The following SLCO2A1 variants were observed in gnomAD, a reference collection of about 807,000 sequenced individuals.
SLCO2A1 encodes matrin F/G 1.
A neutral mutation model predicts 71.7 loss-of-function variants in SLCO2A1; 60 were observed. That is an observed-to-expected ratio of 0.84 (90% CI 0.68 to 1.04). The LOEUF is 1.04. Among genes scored for constraint, SLCO2A1 ranks in the 50% least tolerant of loss-of-function variants. The probability of loss-of-function intolerance (pLI) is 0.00; values close to 1 mark genes in which losing one functional copy is unlikely to be tolerated. For missense variants in SLCO2A1, 745 were observed against 813.4 expected, an observed-to-expected ratio of 0.92 and a Z score of 1.02; for synonymous variants, 308 against 326.7, an observed-to-expected ratio of 0.94 and a Z score of 0.62.
intron 1 of SLCO2A1, among the ~76,000 whole-genome samples, chr3:134,027,927 G>A (rs1935731928): frequency 6.6e-6 from 1 of 152,208 alleles, no homozygotes; most frequent in African/African-American, 2.4e-5. Context: ...CAAAGGAGGT[G>A]ATGACTAACA....
intron 1 of SLCO2A1, among the ~76,000 whole-genome samples, chr3:133,992,083 A>G (rs1424167509): frequency 6.6e-6 from 1 of 152,200 alleles, no homozygotes; most frequent in African/African-American, 2.4e-5. Context: ...GGACTTGCCC[A>G]GGATCTCTTG....
chr3:133,955,267 T>C, intron 3 of SLCO2A1, 74 bp from the exon 4 acceptor site: 1 of 1,355,398 alleles, frequency 7.4e-7, no homozygotes, highest in South Asian at 1.4e-5. Context: ...AAACCCGGCC[T>C]TTCTCCCAGG....
At chr3:134,015,889 C>T (rs1166470703) in intron 1 of SLCO2A1, among the ~76,000 whole-genome samples, 1 of 152,092 alleles carries the variant, frequency 6.6e-6, no homozygotes, top group African/African-American at 2.4e-5. Context: ...GCCAACTGAT[C>T]TTTGACAAAG....
chr3:133,957,647 G>A (rs981044656), intron 3 of SLCO2A1, among the ~76,000 whole-genome samples: 1 of 152,170 alleles, frequency 6.6e-6, no homozygotes, highest in Admixed American at 6.5e-5. Context: ...CTCTGTAGGT[G>A]GCTGGGACCT....
At chr3:134,019,579 C>A (rs1290450707) in intron 1 of SLCO2A1, among the ~76,000 whole-genome samples, 1 of 152,108 alleles carries the variant, frequency 6.6e-6, no homozygotes, top group Non-Finnish European at 1.5e-5. Flanking sequence ...TTTCCTATGC[C>A]TCATTCCACA....
At chr3:133,975,716 T>C (rs1002173299) in intron 2 of SLCO2A1, among the ~76,000 whole-genome samples, 1 of 152,080 alleles carries the variant, frequency 6.6e-6, no homozygotes, top group East Asian at 1.9e-4. Context: ...ACAAAGGCAT[T>C]CCCCCAGCCC....
intron 1 of SLCO2A1, among the ~76,000 whole-genome samples, chr3:134,014,198 C>A (rs963017400): frequency 4.6e-5 from 7 of 152,100 alleles, no homozygotes; most frequent in African/African-American, 1.4e-4. Context: ...AGGGGTCTGC[C>A]CTGTTCGGGG....
At chr3:133,944,279 G>T (rs1210149997) in intron 10 of SLCO2A1, among the ~76,000 whole-genome samples, 1 of 152,000 alleles carries the variant, frequency 6.6e-6, no homozygotes, top group Non-Finnish European at 1.5e-5. Flanking sequence ...GAATTATCCT[G>T]TGTGTTGATT....
In SLCO2A1 at chr3:133,947,408, C is replaced by G; in HGVS notation, c.1143G>C (p.Leu381=). The stretch of plus-strand genomic sequence containing the variant: ...AGCGCTTCATGAGGATTCCTCCAAA[C>G]AGCATCCCCAAGGCTGCAGCAGGGA... ...VNLPAAALGM[L]FGGILMKRFV... The change falls in exon 9 of 14, where the codon CTG becomes CTC. Residue 381 remains leucine (L), a synonymous_variant. Transcript: ENST00000310926. The G allele has an allele frequency of 6.2e-7, 1 of 1,614,020 alleles. No individual in the cohort carries two copies. The highest frequency in any genetic ancestry group is 1.1e-5 in the South Asian group (1 of 91,034).
At position 133,934,671 on chromosome 3, in the gene SLCO2A1, C is replaced by A; in HGVS notation, c.*42G>T. 3 of 1,379,082 alleles carry A rather than the reference C, an allele frequency of 2.2e-6. No homozygotes were observed. In the South Asian group the frequency reaches 3.5e-5, roughly 16 times the overall value. The allele number at this position is 1,379,082 out of a possible 1,614,324, so 85.4% of individuals were successfully genotyped here. On this transcript the variant is annotated 3_prime_UTR_variant, in exon 14 of 14. Transcript: ENST00000310926. Reference sequence around the variant, plus strand: ...TGAGTATAGGCAGGTGTGGAAGAGTCAAGGTCCACTCTCTGGAGCAGGGCA... The same window carrying A: ...TGAGTATAGGCAGGTGTGGAAGAGTAAAGGTCCACTCTCTGGAGCAGGGCA...
rs1395494182 is a variant in SLCO2A1, at chr3:133,942,631, G to T, written c.1599C>A (p.His533Gln). 3.1e-6 allele frequency: 5 copies of T among 1,613,722 alleles called. No homozygotes were observed. In the Admixed American group the frequency reaches 5.0e-5, roughly 16 times the overall value. Residue 533 changes from histidine to glutamine, a missense_variant, in exon 11 of 14, where the codon CAC becomes CAA. Transcript: ENST00000310926. ...SFVSLIACISHNPLYMMVLRV... is the reference protein window; with the variant it reads ...SFVSLIACISQNPLYMMVLRV... ...GCAGAACCATCATGTAGAGGGGGTT[G>T]TGGGAGATGCAGGCTATCAGGGACA... is the stretch of plus-strand genomic sequence containing the variant.
chr3:133,934,506 G>C lies in SLCO2A1; in HGVS notation c.*207C>G. The C allele has an allele frequency of 2.0e-6, 1 of 488,956 alleles. No individual in the cohort carries two copies. The highest frequency in any genetic ancestry group is 3.7e-6 in the Non-Finnish European group (1 of 270,640). The allele number at this position is 488,956 out of a possible 1,614,324, so 30.3% of individuals were successfully genotyped here. A position where few individuals can be genotyped will look rare whatever the true frequency, so the allele number is the denominator to read the frequency against. ...AGGGAAGACTCAGCCCCCCAGTTCT[G>C]GCCCACACAGCCCGGGTACACAGTG... On this transcript the variant is annotated 3_prime_UTR_variant, in exon 14 of 14. Transcript: ENST00000310926.
intron 3 of SLCO2A1, among the ~76,000 whole-genome samples, chr3:133,961,261 G>A (rs1934027798): frequency 6.6e-6 from 1 of 152,106 alleles, no homozygotes; most frequent in Non-Finnish European, 1.5e-5. Flanking sequence ...GATGGTGAAT[G>A]CATAGCCCAG....
intron 3 of SLCO2A1, among the ~76,000 whole-genome samples, chr3:133,960,834 G>A (rs1459112833): frequency 2.0e-5 from 3 of 152,262 alleles, no homozygotes; most frequent in African/African-American, 7.2e-5. Context: ...TCTGGAGAAG[G>A]TTTCTGGAGA....
At chr3:133,943,492 A>G (rs1933486839) in intron 10 of SLCO2A1, among the ~76,000 whole-genome samples, 1 of 152,200 alleles carries the variant, frequency 6.6e-6, no homozygotes, top group Non-Finnish European at 1.5e-5. Context: ...CGACAGTGGT[A>G]ACTATGCACC....
intron 3 of SLCO2A1, among the ~76,000 whole-genome samples, chr3:133,966,567 C>T (rs1934174975): frequency 6.6e-6 from 1 of 152,250 alleles, no homozygotes; most frequent in Non-Finnish European, 1.5e-5. Flanking sequence ...GTTTGTGGGT[C>T]AGTCCTCTGT....
chr3:133,954,789 C>G (rs1576432566), intron 4 of SLCO2A1, among the ~76,000 whole-genome samples, 177 bp downstream of exon 4: 1 of 152,182 alleles, frequency 6.6e-6, no homozygotes, highest in East Asian at 1.9e-4. Flanking sequence ...GATCACACAG[C>G]TGGGAGGTAA....
intron 1 of SLCO2A1, among the ~76,000 whole-genome samples, chr3:134,020,110 A>G (rs752871573): frequency 1.6e-4 from 24 of 152,188 alleles, no homozygotes; most frequent in Non-Finnish European, 2.6e-4. Context: ...CGATCTAATT[A>G]CCGGTGCATG....
Position 134,029,811 on chromosome 3 carries a change from G to A in SLCO2A1, c.-9C>T, listed in dbSNP as rs748894424. ...TTGGGCAGGAGCCCCATGGCTGCGG[G>A]CGGCTGGCCGGGCGCGGAGTGGCGC... On this transcript the variant is annotated 5_prime_UTR_variant, in exon 1 of 14. Coordinates refer to ENST00000310926, the MANE Select transcript of SLCO2A1 (RefSeq NM_005630.3). The A allele has an allele frequency of 4.9e-6, 7 of 1,424,578 alleles. No homozygotes were observed. In the South Asian group the frequency reaches 1.1e-4, roughly 22 times the overall value. 88.2% of individuals were successfully genotyped at this position (1,424,578 alleles called of 1,614,324 possible).
Sources: gnomAD v4.1 joint callset for allele counts (sites outside exome capture counted in the v4.1 genomes callset) on GRCh38, gnomAD v4.1.1 for gene constraint, MANE v1.5 for transcripts, NCBI Gene and HGNC (gene_info 2026-07-23, HGNC 2026-07-21) for gene names.